The following PFDN1 variants were observed in gnomAD, a reference collection of about 807,000 sequenced individuals.
PFDN1 encodes prefoldin subunit 1.
In PFDN1, 6 loss-of-function variants were observed where a neutral mutation model predicts 17.3. That is an observed-to-expected ratio of 0.35 (90% CI 0.19 to 0.69). The LOEUF is 0.69. PFDN1 is among the 30% of genes least tolerant of loss of function. The pLI is 0.65. For synonymous variants in PFDN1, 58 were observed against 50.1 expected, an observed-to-expected ratio of 1.16 and a Z score of -0.67; for missense variants, 113 against 146.2, an observed-to-expected ratio of 0.77 and a Z score of 1.17.
At chr5:140,248,390 CT>C (rs1764863168) in intron 3 of PFDN1, among the ~76,000 whole-genome samples, 1 of 152,096 alleles carries the variant, frequency 6.6e-6, no homozygotes, top group Admixed American at 6.5e-5. Flanking sequence ...TAGACTTTAA[CT>C]GTGGTGAGCT....
chr5:140,245,317 G>C lies in PFDN1; in HGVS notation c.*657C>G. 1.6e-6 allele frequency: 1 copy of C among 619,016 alleles called. No individual in the cohort carries two copies. The highest frequency in any genetic ancestry group is 1.8e-5 in the South Asian group (1 of 54,146). The allele number at this position is 619,016 out of a possible 1,614,324, so 38.3% of individuals were successfully genotyped here. On this transcript the variant is annotated 3_prime_UTR_variant, in exon 4 of 4. Transcript: ENST00000261813. ...GACAGTCTTGGAGGTGCTGCTTACTGTTGAACTTCCTTTTGGAATGTATGG... is the reference window on the plus strand; with the variant it reads ...GACAGTCTTGGAGGTGCTGCTTACTCTTGAACTTCCTTTTGGAATGTATGG...
At chr5:140,271,660 T>G (rs1765207090) in intron 3 of PFDN1, among the ~76,000 whole-genome samples, 1 of 152,110 alleles carries the variant, frequency 6.6e-6, no homozygotes, top group African/African-American at 2.4e-5. Flanking sequence ...CTTAGCAAGA[T>G]GCTAAGATAA....
chr5:140,291,248 C>T (rs759126282), intron 2 of PFDN1, among the ~76,000 whole-genome samples: 2 of 152,152 alleles, frequency 1.3e-5, no homozygotes, highest in East Asian at 3.8e-4. Flanking sequence ...TAGGAAGCAA[C>T]TGCCATAAAC....
At chr5:140,293,515 C>G (rs1486589982) in intron 2 of PFDN1, among the ~76,000 whole-genome samples, 2 of 152,036 alleles carry the variant, frequency 1.3e-5, no homozygotes, top group Non-Finnish European at 2.9e-5. Context: ...CAATAGACAT[C>G]TAATTAGCAT....
At position 140,297,395 on chromosome 5, in the gene PFDN1, C is replaced by T. The variant is rs1182431983; in HGVS notation, c.200+3021G>A. Reference sequence around the variant, plus strand: ...GGTTTAGCATCAAGAAAGAGAACATCCTCATGACCAGACTAATACTCAGCA... The same window carrying T: ...GGTTTAGCATCAAGAAAGAGAACATTCTCATGACCAGACTAATACTCAGCA... On this transcript the variant is annotated intron_variant, in intron 2 of 3. Coordinates refer to ENST00000261813, the MANE Select transcript of PFDN1 (RefSeq NM_002622.5). Among the ~76,000 whole-genome samples, 3 of 152,162 alleles carry T rather than the reference C, an allele frequency of 2.0e-5. No homozygotes were observed. The East Asian group carries it at 5.8e-4, about 29-fold the overall frequency.
chr5:140,264,238 A>G (rs900814558), intron 3 of PFDN1, among the ~76,000 whole-genome samples: 7 of 151,884 alleles, frequency 4.6e-5, no homozygotes, highest in Non-Finnish European at 1.0e-4. Flanking sequence ...TCATGATCCA[A>G]TCACCTCCCA....
chr5:140,285,881 G>A (rs1765479997), intron 2 of PFDN1, among the ~76,000 whole-genome samples: 1 of 152,038 alleles, frequency 6.6e-6, no homozygotes, highest in African/African-American at 2.4e-5. Context: ...GCATGCACCT[G>A]TAGTCCTAGC....
Position 140,264,699 on chromosome 5 carries a change from T to C in PFDN1, c.285+16750A>G, listed in dbSNP as rs540182726. Among the ~76,000 whole-genome samples, 110 of 151,842 alleles carry C rather than the reference T, an allele frequency of 7.2e-4. No individual in the cohort carries two copies. The Middle Eastern group carries it at 0.02, about 28-fold the overall frequency. ...AAAAAAAAAAACACAGAATTAATTA[T>C]CTGAGCATGGTAGCCTGTGCCTATA... On this transcript the variant is annotated intron_variant, in intron 3 of 3. Coordinates refer to ENST00000261813, the MANE Select transcript of PFDN1 (RefSeq NM_002622.5).
chr5:140,252,610 G>A (rs888537699), intron 3 of PFDN1, among the ~76,000 whole-genome samples: 2 of 152,160 alleles, frequency 1.3e-5, no homozygotes, highest in African/African-American at 2.4e-5. Context: ...TCTCGTGTTC[G>A]CTCACTGGCA....
At chr5:140,267,376 C>A (rs991446359) in intron 3 of PFDN1, among the ~76,000 whole-genome samples, 26 of 152,338 alleles carry the variant, frequency 1.7e-4, no homozygotes, top group Admixed American at 5.2e-4. Context: ...ATTTAAAGAT[C>A]AGCAGAAGAC....
chr5:140,249,405 A>T (rs1229209043), intron 3 of PFDN1, among the ~76,000 whole-genome samples: 2 of 152,174 alleles, frequency 1.3e-5, no homozygotes, highest in Non-Finnish European at 2.9e-5. Flanking sequence ...CAATTCTACC[A>T]CAATTATTTG....
intron 2 of PFDN1, 42 bp from the exon 3 acceptor site, chr5:140,281,575 T>C (rs761899046): frequency 2.2e-5 from 22 of 985,398 alleles, no homozygotes; most frequent in Admixed American, 3.5e-5. Context: ...CACATGACTA[T>C]TGAATTCATC....
intron 3 of PFDN1, among the ~76,000 whole-genome samples, chr5:140,248,927 G>C (rs1032204946): frequency 1.3e-5 from 2 of 152,158 alleles, no homozygotes; most frequent in Non-Finnish European, 2.9e-5. Context: ...CAATCCTCTT[G>C]CCTTAGAGGC....
In PFDN1 at chr5:140,252,245, A is replaced by T. The variant is rs186385645; in HGVS notation, c.286-6188T>A. 8.5e-5 allele frequency among the ~76,000 whole-genome samples: 13 copies of T among 152,272 alleles called. No homozygotes were observed. The East Asian group carries it at 2.3e-3, about 27-fold the overall frequency. On this transcript the variant is annotated intron_variant, in intron 3 of 3. Transcript: ENST00000261813. ...AGAGGAGAGGGGAGACATACTATGG[A>T]TGTATACGGATATGTACTTTTATCT...
At chr5:140,246,968 G>C (rs1363951215) in intron 3 of PFDN1, among the ~76,000 whole-genome samples, 1 of 152,078 alleles carries the variant, frequency 6.6e-6, no homozygotes, top group Non-Finnish European at 1.5e-5. Flanking sequence ...AGCCACACTG[G>C]AACCAGTAAT....
At chr5:140,296,252 A>T (rs564277950) in intron 2 of PFDN1, among the ~76,000 whole-genome samples, 1 of 152,216 alleles carries the variant, frequency 6.6e-6, no homozygotes, top group South Asian at 2.1e-4. Context: ...CTAAGAAACC[A>T]AAAGAAAAAA....
At chr5:140,277,839 TA>T (rs1038642293) in intron 3 of PFDN1, among the ~76,000 whole-genome samples, 1 of 151,890 alleles carries the variant, frequency 6.6e-6, no homozygotes, top group Non-Finnish European at 1.5e-5. Flanking sequence ...AAAGACAAAT[TA>T]ACAACAATTA....
rs1388092384 is a variant in PFDN1, at chr5:140,245,581, T to C, written c.*393A>G. On this transcript the variant is annotated 3_prime_UTR_variant, in exon 4 of 4. Transcript: ENST00000261813. The stretch of plus-strand genomic sequence containing the variant: ...CAGGAGCTGAGGTGGAGACGGCCAC[T>C]GCCTCTCTCACCCTCTGTTCCATCC... 2.8e-6 allele frequency: 2 copies of C among 702,430 alleles called. No homozygotes were observed. The highest frequency in any genetic ancestry group is 3.0e-5 in the South Asian group (2 of 67,594). The allele number at this position is 702,430 out of a possible 1,614,324, so 43.5% of individuals were successfully genotyped here. A position where few individuals can be genotyped will look rare whatever the true frequency, so the allele number is the denominator to read the frequency against.
rs767794566 is a variant in PFDN1 at position 140,300,519 on chromosome 5, G to T, written c.97C>A (p.Gln33Lys). 2 of 1,612,854 alleles carry T rather than the reference G, an allele frequency of 1.2e-6. No individual in the cohort carries two copies. The highest frequency in any genetic ancestry group is 2.7e-5 in the African/African-American group (2 of 74,890). ...TTCGTTCTGTTTAGCTGTTCAATCT[G>T]TATGTCTGCGAGCTTCACCTTCTGT... is the stretch of plus-strand genomic sequence containing the variant. ...TQQKVKLADI[Q>K]IEQLNRTKKH... The change falls in exon 2 of 4, where the codon CAG becomes AAG. Residue 33 changes from glutamine to lysine, a missense_variant. Gln to Lys is a moderately conservative substitution (Grantham distance 53). Coordinates refer to ENST00000261813, the MANE Select transcript of PFDN1 (RefSeq NM_002622.5).
Sources: allele counts gnomAD v4.1 joint callset (sites outside exome capture counted in the v4.1 genomes callset), GRCh38; gene constraint gnomAD v4.1.1; transcripts MANE v1.5; gene names NCBI Gene and HGNC (gene_info 2026-07-23, HGNC 2026-07-21).